Variants in C12orf42 observed in about 807,000 individuals in gnomAD.
C12orf42 encodes the protein chromosome 12 open reading frame 42, also known as uncharacterized protein C12orf42.
A neutral mutation model predicts 21.6 loss-of-function variants in C12orf42; 25 were observed. That is an observed-to-expected ratio of 1.16 (90% CI 0.84 to 1.62). C12orf42 has a LOEUF of 1.62. Among genes scored for constraint, C12orf42 ranks in the 40% most tolerant of loss-of-function variants. The pLI is 0.00. For synonymous variants in C12orf42, 174 were observed against 175.0 expected, an observed-to-expected ratio of 0.99 and a Z score of 0.05; for missense variants, 483 against 459.3, an observed-to-expected ratio of 1.05 and a Z score of -0.47.
chr12:103,196,786 C>T, the C12orf42 span, among the ~76,000 whole-genome samples: 2 of 152,004 alleles, frequency 1.3e-5, no homozygotes, highest in South Asian at 4.2e-4. Context: ...TTTTCCATTC[C>T]TTTTCTTTGA....
chr12:103,144,259 C>G, the C12orf42 span, among the ~76,000 whole-genome samples: 1 of 150,210 alleles, frequency 6.7e-6, no homozygotes, highest in Non-Finnish European at 1.5e-5. Flanking sequence ...AAAGAGGAGA[C>G]GAGGAGAAAA....
At chr12:103,172,397 TATG>T in the C12orf42 span, among the ~76,000 whole-genome samples, 1 of 152,066 alleles carries the variant, frequency 6.6e-6, no homozygotes, top group Non-Finnish European at 1.5e-5. Context: ...GTAGGACAAT[TATG>T]ATGATACTAG....
At chr12:103,110,503 G>A in the C12orf42 span, among the ~76,000 whole-genome samples, 1 of 152,110 alleles carries the variant, frequency 6.6e-6, no homozygotes, top group Non-Finnish European at 1.5e-5. Context: ...TAAAACAAAA[G>A]CTCTGAAGCA....
chr12:103,389,329 A>T (rs1211160934), intron 3 of C12orf42, among the ~76,000 whole-genome samples: 1 of 152,214 alleles, frequency 6.6e-6, no homozygotes, highest in Non-Finnish European at 1.5e-5. Context: ...GCAAAATATC[A>T]TTAAAGAGTC....
the C12orf42 span, among the ~76,000 whole-genome samples, chr12:103,079,061 C>A: frequency 2.6e-5 from 4 of 152,156 alleles, no homozygotes; most frequent in African/African-American, 7.2e-5. Context: ...ATTATTTACT[C>A]TTTATAAAAT....
chr12:103,276,475 G>T (rs2035778879), intron 5 of C12orf42, among the ~76,000 whole-genome samples: 1 of 152,146 alleles, frequency 6.6e-6, no homozygotes, highest in Admixed American at 6.5e-5. Flanking sequence ...CCATCCCATT[G>T]TTCGCAAGTG....
At chr12:103,518,802 A>G in the C12orf42 span, among the ~76,000 whole-genome samples, 1 of 152,206 alleles carries the variant, frequency 6.6e-6, no homozygotes. Flanking sequence ...TTTCTTTTAC[A>G]TCCTACTTCC....
At chr12:103,273,692 C>T in intron 5 of C12orf42, 1 of 378,744 alleles carries the variant, frequency 2.6e-6, no homozygotes, top group Non-Finnish European at 5.2e-6. Context: ...GGATATAGTA[C>T]AATTAAATTA....
chr12:103,109,434 G>A, the C12orf42 span, among the ~76,000 whole-genome samples: 1 of 152,102 alleles, frequency 6.6e-6, no homozygotes, highest in Non-Finnish European at 1.5e-5. Context: ...TCACTGGAGA[G>A]TGAGAGGCGG....
At chr12:103,557,929 A>G in the C12orf42 span, 2 of 152,256 alleles carry the variant, frequency 1.3e-5, no homozygotes, top group African/African-American at 2.4e-5. Flanking sequence ...TTAGAAAATG[A>G]TTGAAAATGT....
the C12orf42 span, among the ~76,000 whole-genome samples, chr12:103,102,017 T>C: frequency 5.9e-5 from 9 of 152,164 alleles, no homozygotes; most frequent in Admixed American, 4.6e-4. Flanking sequence ...TTAGAACTGG[T>C]ATGCCATTAC....
At chr12:103,207,456 G>A in the C12orf42 span, among the ~76,000 whole-genome samples, 12 of 152,318 alleles carry the variant, frequency 7.9e-5, no homozygotes, top group Middle Eastern at 3.4e-3. Context: ...ACACGTGCGC[G>A]CGCACAGATG....
chr12:103,555,113 G>A, the C12orf42 span, among the ~76,000 whole-genome samples: 8 of 152,278 alleles, frequency 5.3e-5, no homozygotes, highest in East Asian at 1.9e-4. Context: ...GTTAAAGCAC[G>A]GGTTCCTGGG....
chr12:103,320,355 A>G (rs11111525), intron 4 of C12orf42, among the ~76,000 whole-genome samples: 13,477 of 152,262 alleles, frequency 0.089, 590 homozygotes, highest in East Asian at 0.18. Flanking sequence ...TCCCACACTG[A>G]GAAGAGAAAT....
At chr12:103,232,521 A>G in the C12orf42 span, among the ~76,000 whole-genome samples, 1 of 152,054 alleles carries the variant, frequency 6.6e-6, no homozygotes, top group Non-Finnish European at 1.5e-5. Flanking sequence ...ATCCTGGCTA[A>G]CACACGGTGA....
At chr12:103,507,113 A>T in the C12orf42 span, among the ~76,000 whole-genome samples, 6 of 15,782 alleles carry the variant, frequency 3.8e-4, no homozygotes, top group African/African-American at 4.2e-3. Context: ...TAATATAAAT[A>T]TATATTTATA....
the C12orf42 span, among the ~76,000 whole-genome samples, chr12:103,197,389 GA>G: frequency 6.6e-6 from 1 of 152,144 alleles, no homozygotes; most frequent in South Asian, 2.1e-4. Flanking sequence ...TACTTGTAGT[GA>G]GTTTGTTTTA....
At chr12:103,396,915 T>A (rs2047585614) in intron 3 of C12orf42, among the ~76,000 whole-genome samples, 2 of 152,228 alleles carry the variant, frequency 1.3e-5, no homozygotes. Flanking sequence ...TGGAAGTCTG[T>A]GAGCAGAAGA....
At chr12:103,359,666 C>A (rs1046517959) in intron 4 of C12orf42, among the ~76,000 whole-genome samples, 1 of 151,962 alleles carries the variant, frequency 6.6e-6, no homozygotes, top group African/African-American at 2.4e-5. Flanking sequence ...TATGAAGGGG[C>A]ATGAGACAAT....
Sources: allele counts gnomAD v4.1 joint callset (sites outside exome capture counted in the v4.1 genomes callset), GRCh38; gene constraint gnomAD v4.1.1; transcripts MANE v1.5; gene names NCBI Gene and HGNC (gene_info 2026-07-23, HGNC 2026-07-21).